Variants in PPIP5K2 observed in about 807,000 individuals in gnomAD.
PPIP5K2 encodes the protein inositol hexakisphosphate and diphosphoinositol-pentakisphosphate kinase 2.
PPIP5K2 carries 105 observed loss-of-function variants against 154.6 expected under a neutral mutation model. The observed-to-expected ratio is 0.68, with a 90% CI of 0.58 to 0.80. The LOEUF (loss-of-function observed/expected upper bound fraction) is 0.80, where lower values mean the gene tolerates loss of function less well. Among genes scored for constraint, PPIP5K2 ranks in the 30% least tolerant of loss-of-function variants. The probability of loss-of-function intolerance (pLI) is 0.00; values close to 1 mark genes in which losing one functional copy is unlikely to be tolerated. For synonymous variants in PPIP5K2, 480 were observed against 490.3 expected (o/e 0.98, Z 0.28); for missense variants, 992 against 1,504.6 (o/e 0.66, Z 5.64).
At chr5:103,124,481 A>G (rs1314066985) in intron 1 of PPIP5K2, among the ~76,000 whole-genome samples, 1 of 152,066 alleles carries the variant, frequency 6.6e-6, no homozygotes, top group Non-Finnish European at 1.5e-5. Flanking sequence ...TCCATTTGCA[A>G]CCCTTATTGG....
At chr5:103,194,641 G>A (rs934519671) in intron 29 of PPIP5K2, 9 of 229,520 alleles carry the variant, frequency 3.9e-5, no homozygotes, top group East Asian at 1.0e-4. Context: ...AAAGTCTGTC[G>A]CTCTATTCTT....
At chr5:103,145,694 G>T (rs1793640192) in intron 5 of PPIP5K2, among the ~76,000 whole-genome samples, 1 of 152,020 alleles carries the variant, frequency 6.6e-6, no homozygotes, top group Non-Finnish European at 1.5e-5. Context: ...TGAACTCTTA[G>T]AGCTTGAGCA....
chr5:103,174,467 T>G (rs1403931739), intron 21 of PPIP5K2, among the ~76,000 whole-genome samples: 1 of 152,022 alleles, frequency 6.6e-6, no homozygotes, highest in Non-Finnish European at 1.5e-5. Flanking sequence ...GAGGTTGTAG[T>G]CAGACAGTGG....
intron 30 of PPIP5K2, 29 bp from the exon 31 acceptor site, chr5:103,201,492 GT>G (rs371804029): frequency 8.0e-3 from 8,951 of 1,112,304 alleles, no homozygotes; most frequent in South Asian, 0.019. Flanking sequence ...TTAAGCAATA[GT>G]TTTTTTTTTT....
intron 30 of PPIP5K2, among the ~76,000 whole-genome samples, chr5:103,201,246 G>A (rs1358098541): frequency 6.6e-6 from 1 of 152,198 alleles, no homozygotes; most frequent in Admixed American, 6.5e-5. Context: ...ACAATGGATG[G>A]TAGTTAAAAA....
chr5:103,190,572 A>G (rs1256772585), intron 28 of PPIP5K2, among the ~76,000 whole-genome samples: 1 of 151,982 alleles, frequency 6.6e-6, no homozygotes, highest in Non-Finnish European at 1.5e-5. Flanking sequence ...GGTTTTTTAA[A>G]GTATTATTCT....
intron 1 of PPIP5K2, among the ~76,000 whole-genome samples, chr5:103,128,497 A>G (rs1490361778): frequency 1.3e-5 from 2 of 151,972 alleles, no homozygotes; most frequent in Non-Finnish European, 2.9e-5. Context: ...GCCTCAAACT[A>G]TTTGGCTCAA....
intron 2 of PPIP5K2, among the ~76,000 whole-genome samples, chr5:103,131,472 T>A (rs1316013565): frequency 6.6e-6 from 1 of 152,124 alleles, no homozygotes. Flanking sequence ...ATTAATTGAA[T>A]CCATGGATGT....
chr5:103,154,324 AC>A (rs1554212332), intron 11 of PPIP5K2, among the ~76,000 whole-genome samples: 1 of 151,832 alleles, frequency 6.6e-6, no homozygotes, highest in Non-Finnish European at 1.5e-5. Context: ...AAATTTGAAA[AC>A]CCTGAGCCAT....
intron 28 of PPIP5K2, among the ~76,000 whole-genome samples, chr5:103,190,393 T>C (rs1008852292): frequency 1.3e-5 from 2 of 151,984 alleles, no homozygotes; most frequent in Admixed American, 1.3e-4. Context: ...TGGAAAAGTA[T>C]CTAAAATAAT....
At chr5:103,153,814 G>A in intron 10 of PPIP5K2, 34 bp from the exon 11 acceptor site, 2 of 1,439,926 alleles carry the variant, frequency 1.4e-6, no homozygotes, top group South Asian at 1.2e-5. Context: ...ATCTTTTTTA[G>A]AGAATTAAGA....
intron 17 of PPIP5K2, among the ~76,000 whole-genome samples, chr5:103,164,978 T>G (rs1796915486): frequency 6.6e-6 from 1 of 152,112 alleles, no homozygotes; most frequent in Non-Finnish European, 1.5e-5. Flanking sequence ...CCTACTCCTT[T>G]ACATCCTAGT....
intron 1 of PPIP5K2, among the ~76,000 whole-genome samples, chr5:103,124,484 CT>C (rs1373771421): frequency 1.3e-5 from 2 of 152,056 alleles, no homozygotes; most frequent in Non-Finnish European, 2.9e-5. Context: ...ATTTGCAACC[CT>C]TATTGGCTCT....
At chr5:103,178,172 A>G (rs1406914476) in intron 23 of PPIP5K2, among the ~76,000 whole-genome samples, 192 bp downstream of exon 23, 1 of 151,966 alleles carries the variant, frequency 6.6e-6, no homozygotes, top group Non-Finnish European at 1.5e-5. Flanking sequence ...TAGGAATTTT[A>G]TCTTTTGTTT....
At chr5:103,155,743 A>G (rs1580219995) in intron 13 of PPIP5K2, among the ~76,000 whole-genome samples, 166 bp from the exon 14 acceptor site, 1 of 151,594 alleles carries the variant, frequency 6.6e-6, no homozygotes, top group Non-Finnish European at 1.5e-5. Flanking sequence ...TTTTAGAAAA[A>G]CATTTTTGTT....
At chr5:103,158,848 G>A (rs1795802185) in intron 16 of PPIP5K2, among the ~76,000 whole-genome samples, 1 of 152,038 alleles carries the variant, frequency 6.6e-6, no homozygotes, top group African/African-American at 2.4e-5. Flanking sequence ...AGGATCACCT[G>A]AGCCCAGGAG....
At chr5:103,179,596 A>C (rs148129281) in intron 23 of PPIP5K2, among the ~76,000 whole-genome samples, 1 of 152,118 alleles carries the variant, frequency 6.6e-6, no homozygotes, top group Non-Finnish European at 1.5e-5. Flanking sequence ...TTTGGAATAG[A>C]TTTAAATATT....
At chr5:103,196,809 T>C (rs544617806) in intron 30 of PPIP5K2, among the ~76,000 whole-genome samples, 206 of 152,124 alleles carry the variant, frequency 1.4e-3, no homozygotes, top group African/African-American at 4.7e-3. Flanking sequence ...ATATATTATA[T>C]ATATGAAGGT....
intron 6 of PPIP5K2, 72 bp from the exon 7 acceptor site, chr5:103,147,859 A>C (rs1487448998): frequency 1.1e-6 from 1 of 877,518 alleles, no homozygotes; most frequent in Non-Finnish European, 1.8e-6. Flanking sequence ...TAAATAAACT[A>C]TTTGTCATTT....
Sources: allele counts gnomAD v4.1 joint callset (sites outside exome capture counted in the v4.1 genomes callset), GRCh38; gene constraint gnomAD v4.1.1; transcripts MANE v1.5; gene names NCBI Gene and HGNC (gene_info 2026-07-23, HGNC 2026-07-21).